Variants in GALNTL6 observed in about 807,000 individuals in gnomAD.
The protein encoded by GALNTL6 is polypeptide N-acetylgalactosaminyltransferase like 6.
Under a neutral mutation model 73.7 loss-of-function variants are expected in GALNTL6, and 46 were observed. The ratio of observed to expected loss-of-function variants is 0.62; its 90% CI spans 0.49 to 0.80. The LOEUF is 0.80. Ranked by LOEUF, GALNTL6 falls within the 30% of genes least tolerant of loss-of-function variation. The pLI, the probability that GALNTL6 is intolerant of heterozygous loss-of-function variation, is 0.00. For missense variants in GALNTL6, 604 were observed against 755.0 expected (o/e 0.80, Z 2.34); for synonymous variants, 259 against 263.7 (o/e 0.98, Z 0.17).
At chr4:173,013,084 G>C (rs1752626006) in intron 11 of GALNTL6, among the ~76,000 whole-genome samples, 1 of 152,174 alleles carries the variant, frequency 6.6e-6, no homozygotes, top group Admixed American at 6.5e-5. Context: ...TCAAATATCA[G>C]TGAAAAGTTA....
intron 5 of GALNTL6, among the ~76,000 whole-genome samples, chr4:172,495,291 G>A (rs1056113966): frequency 1.3e-5 from 2 of 152,250 alleles, no homozygotes; most frequent in East Asian, 1.9e-4. Context: ...AAGTACCATC[G>A]GTCAAGAGGC....
intron 7 of GALNTL6, among the ~76,000 whole-genome samples, chr4:172,822,948 G>A (rs1406545115): frequency 2.0e-5 from 3 of 151,928 alleles, no homozygotes; most frequent in Admixed American, 6.6e-5. Context: ...TCCTTAGCTG[G>A]GCATTTTCAT....
At chr4:172,479,537 C>T (rs1378986085) in intron 5 of GALNTL6, among the ~76,000 whole-genome samples, 2 of 152,072 alleles carry the variant, frequency 1.3e-5, no homozygotes, top group East Asian at 1.9e-4. Flanking sequence ...GTGTAATGGA[C>T]ATTGCAGACT....
intron 2 of GALNTL6, among the ~76,000 whole-genome samples, chr4:171,987,002 C>T (rs574472299): frequency 3.3e-5 from 5 of 149,504 alleles, no homozygotes; most frequent in African/African-American, 4.9e-5. Flanking sequence ...GGTGAATAGG[C>T]GTATGACTAG....
intron 5 of GALNTL6, among the ~76,000 whole-genome samples, chr4:172,685,983 A>G (rs1732894288): frequency 6.6e-6 from 1 of 152,198 alleles, no homozygotes; most frequent in Non-Finnish European, 1.5e-5. Context: ...GGTTTCACCA[A>G]AGAGATTACT....
chr4:171,846,688 A>G (rs995408551), intron 2 of GALNTL6, among the ~76,000 whole-genome samples: 1 of 150,712 alleles, frequency 6.6e-6, no homozygotes, highest in Non-Finnish European at 1.5e-5. Context: ...ATATCTATTC[A>G]TCTCTATATA....
chr4:171,863,424 C>T (rs937541839), intron 2 of GALNTL6, among the ~76,000 whole-genome samples: 1 of 152,092 alleles, frequency 6.6e-6, no homozygotes, highest in East Asian at 1.9e-4. Flanking sequence ...CTGAAAGAAG[C>T]TAACTTCAAT....
chr4:172,506,754 A>G lies in GALNTL6; in HGVS notation c.553+158065A>G, dbSNP rs1276556644. Among the ~76,000 whole-genome samples the G allele has an allele frequency of 1.1e-4, 6 of 54,306 alleles. 3 individuals are homozygous for G. The highest frequency in any genetic ancestry group is 5.3e-4 in the Admixed American group (2 of 3,780). The allele number at this position is 54,306 out of a possible 152,430, so 35.6% of individuals were successfully genotyped here. On this transcript the variant is annotated intron_variant, in intron 5 of 12. Coordinates refer to ENST00000506823, the MANE Select transcript of GALNTL6 (RefSeq NM_001034845.3). Reference sequence around the variant, plus strand: ...ATCATGCTTTAAAAAAAATCTTACTATGCATTTCCCTGCTTACAGTAATTC... The same window carrying G: ...ATCATGCTTTAAAAAAAATCTTACTGTGCATTTCCCTGCTTACAGTAATTC...
intron 2 of GALNTL6, among the ~76,000 whole-genome samples, chr4:172,061,945 C>CT (rs11284710): frequency 0.4 from 46,149 of 114,608 alleles, 10,168 homozygotes; most frequent in African/African-American, 0.57. Context: ...TTTTTATCCA[C>CT]TTTTTTTTTT....
chr4:172,036,820 T>C (rs1741941564), intron 2 of GALNTL6, among the ~76,000 whole-genome samples: 1 of 152,166 alleles, frequency 6.6e-6, no homozygotes, highest in African/African-American at 2.4e-5. Context: ...GTTATTCTTA[T>C]TGACTGGTAT....
chr4:172,647,457 G>A (rs988597995), intron 5 of GALNTL6, among the ~76,000 whole-genome samples: 2 of 152,082 alleles, frequency 1.3e-5, no homozygotes, highest in Non-Finnish European at 2.9e-5. Flanking sequence ...CAGGGTAAGA[G>A]TAAAGGTACA....
At chr4:172,924,057 A>AGCGGGAAAACC (rs1747922831) in intron 8 of GALNTL6, among the ~76,000 whole-genome samples, 1 of 152,142 alleles carries the variant, frequency 6.6e-6, no homozygotes. Flanking sequence ...TTAAGGCAGA[A>AGCGGGAAAACC]GCGGGAAAAC....
chr4:172,424,939 A>G (rs1388150068), intron 5 of GALNTL6, among the ~76,000 whole-genome samples: 1 of 152,080 alleles, frequency 6.6e-6, no homozygotes, highest in Non-Finnish European at 1.5e-5. Flanking sequence ...AGCCAGATGT[A>G]GGGAATTCTA....
chr4:172,005,385 C>T (rs982794285), intron 2 of GALNTL6, among the ~76,000 whole-genome samples: 13 of 152,114 alleles, frequency 8.5e-5, no homozygotes, highest in South Asian at 2.1e-4. Flanking sequence ...CCTCTGCCTC[C>T]CAAACTGTTG....
At chr4:172,816,268 T>A (rs186978116) in intron 7 of GALNTL6, among the ~76,000 whole-genome samples, 17 of 152,348 alleles carry the variant, frequency 1.1e-4, no homozygotes, top group Admixed American at 1.1e-3. Flanking sequence ...AAAAATTATC[T>A]TTCTGTAGCA....
intron 2 of GALNTL6, among the ~76,000 whole-genome samples, chr4:172,221,673 A>G (rs958994565): frequency 1.3e-5 from 2 of 151,762 alleles, no homozygotes; most frequent in Non-Finnish European, 3.0e-5. Context: ...CACTATTTCT[A>G]CAAGGTATGC....
chr4:172,373,435 C>CTAGAATTGGGGTGT (rs1444443330), intron 5 of GALNTL6, among the ~76,000 whole-genome samples: 3 of 152,206 alleles, frequency 2.0e-5, no homozygotes, highest in African/African-American at 7.2e-5. Flanking sequence ...TTTTGTACTT[C>CTAGAATTGGGGTGT]TAGAATTGGG....
rs749051811 is a variant in GALNTL6, at chr4:172,229,729, A to T, written c.212A>T (p.Asp71Val). 2 of 1,613,570 alleles carry T rather than the reference A, an allele frequency of 1.2e-6. No individual in the cohort carries two copies. Among genetic ancestry groups the T allele is most frequent in the Non-Finnish European group, 1.7e-6 (2 of 1,179,634 alleles). Residue 71 changes from aspartate to valine, a missense_variant, in exon 3 of 13, where the codon GAC (aspartate) becomes GTC (valine). Physicochemically the swap from Asp to Val is radical, Grantham distance 152 (BLOSUM62 -3). This residue lies in a region of GALNTL6 where 141 missense variants were observed against 156.6 expected (regional missense o/e 0.90). Coordinates refer to ENST00000506823, the MANE Select transcript of GALNTL6 (RefSeq NM_001034845.3). ...TDGLRRKDWH[D>V]YESIQKEAMR... ...GGTTTGAGAAGAAAGGACTGGCATG[A>T]CTATGAAAGCATTCAGAAAGAGGCT...
intron 8 of GALNTL6, among the ~76,000 whole-genome samples, chr4:172,915,307 A>G (rs1747443026): frequency 1.3e-5 from 2 of 152,222 alleles, no homozygotes; most frequent in Admixed American, 1.3e-4. Context: ...AAAGATGTAA[A>G]ATCAACACCC....
Sources: gnomAD v4.1 joint callset for allele counts (sites outside exome capture counted in the v4.1 genomes callset) on GRCh38, gnomAD v4.1.1 for gene constraint, gnomAD v4.1.1 regional missense constraint, MANE v1.5 for transcripts, NCBI Gene and HGNC (gene_info 2026-07-23, HGNC 2026-07-21) for gene names.